Variants in PRICKLE1 observed in about 807,000 individuals in gnomAD.
PRICKLE1 encodes the protein prickle-like protein 1.
PRICKLE1 carries 14 observed loss-of-function variants against 70.2 expected under a neutral mutation model. The ratio of observed to expected loss-of-function variants is 0.20; its 90% confidence interval spans 0.13 to 0.31. The LOEUF (loss-of-function observed/expected upper bound fraction) is 0.31. Among genes scored for constraint, PRICKLE1 ranks in the 10% least tolerant of loss-of-function variants. The pLI is 1.00. For synonymous variants in PRICKLE1, 357 were observed against 379.9 expected, an observed-to-expected ratio of 0.94 and a Z score of 0.70; for missense variants, 821 against 1,026.2, an observed-to-expected ratio of 0.80 and a Z score of 2.73.
Position 42,579,594 on chromosome 12 carries a change from C to G in PRICKLE1, c.-49+9871G>C, listed in dbSNP as rs765190521. On this transcript the variant is annotated intron_variant, in intron 1 of 7. Coordinates refer to ENST00000345127, the MANE Select transcript of PRICKLE1 (RefSeq NM_153026.3). ...AGGTAGATAATTCAGGTAGAATTTTCCATTCTGAGACCCTGATGATTTGAT... is the reference window on the plus strand; with the variant it reads ...AGGTAGATAATTCAGGTAGAATTTTGCATTCTGAGACCCTGATGATTTGAT... Among the ~76,000 whole-genome samples, 32 of 152,128 alleles carry G rather than the reference C, an allele frequency of 2.1e-4. 1 individual carries two copies. Among genetic ancestry groups the G allele is most frequent in the Non-Finnish European group, 3.7e-4 (25 of 68,020 alleles).
chr12:42,515,263 G>A (rs1309400596), intron 1 of PRICKLE1, among the ~76,000 whole-genome samples: 1 of 147,634 alleles, frequency 6.8e-6, no homozygotes, highest in African/African-American at 2.5e-5. Flanking sequence ...TTTTGAGATG[G>A]AATTTCGCTC....
chr12:42,587,941 T>C (rs1941009504), intron 1 of PRICKLE1, among the ~76,000 whole-genome samples: 1 of 152,210 alleles, frequency 6.6e-6, no homozygotes, highest in Non-Finnish European at 1.5e-5. Context: ...CATGGGATTT[T>C]TTTTTGTTTT....
At chr12:42,500,664 C>CTT (rs11448078) in intron 1 of PRICKLE1, among the ~76,000 whole-genome samples, 3 of 142,842 alleles carry the variant, frequency 2.1e-5, no homozygotes, top group South Asian at 2.2e-4. Flanking sequence ...CATTAATTTT[C>CTT]TTTTTTTTTT....
chr12:42,474,196 C>T (rs564622046), intron 1 of PRICKLE1, among the ~76,000 whole-genome samples: 3 of 152,052 alleles, frequency 2.0e-5, no homozygotes, highest in East Asian at 1.9e-4. Flanking sequence ...CGCTTGAAAC[C>T]GGGAGGCGGA....
intron 1 of PRICKLE1, among the ~76,000 whole-genome samples, chr12:42,543,264 T>C (rs974074584): frequency 2.2e-4 from 33 of 152,316 alleles, no homozygotes; most frequent in African/African-American, 7.7e-4. Flanking sequence ...TAAATGTTCT[T>C]GAAAAGAAGA....
At chr12:42,466,054 G>C (rs568613214) in intron 6 of PRICKLE1, 140 bp downstream of exon 6, 6 of 905,254 alleles carry the variant, frequency 6.6e-6, no homozygotes, top group Non-Finnish European at 1.1e-5. Context: ...TCATCAGCTG[G>C]AACATTTAAG....
At chr12:42,546,659 TG>T (rs1940219140) in intron 1 of PRICKLE1, among the ~76,000 whole-genome samples, 1 of 152,072 alleles carries the variant, frequency 6.6e-6, no homozygotes, top group Non-Finnish European at 1.5e-5. Context: ...GAGAATGAGG[TG>T]GGAGGATTGC....
At chr12:42,488,768 G>A (rs1201516909) in intron 1 of PRICKLE1, among the ~76,000 whole-genome samples, 1 of 152,076 alleles carries the variant, frequency 6.6e-6, no homozygotes, top group African/African-American at 2.4e-5. Flanking sequence ...CATATACATT[G>A]CAAAATTATT....
In PRICKLE1 at chr12:42,459,431, A is replaced by G. The variant is rs1279582201; in HGVS notation, c.*378T>C. 1.4e-6 allele frequency: 1 copy of G among 694,894 alleles called. No homozygotes were observed. The highest frequency in any genetic ancestry group is 2.6e-6 in the Non-Finnish European group (1 of 382,050). 43.0% of individuals were successfully genotyped at this position (694,894 alleles called of 1,614,324 possible). The stretch of plus-strand genomic sequence containing the variant: ...CAAGACCTGAGCCGACCTGACTTAC[A>G]TAAATGACAAACACTAGTGCTTTAC... On this transcript the variant is annotated 3_prime_UTR_variant, in exon 8 of 8. Coordinates refer to ENST00000345127, the MANE Select transcript of PRICKLE1 (RefSeq NM_153026.3).
intron 1 of PRICKLE1, among the ~76,000 whole-genome samples, chr12:42,487,116 C>G (rs979029664): frequency 6.6e-6 from 1 of 152,170 alleles, no homozygotes; most frequent in African/African-American, 2.4e-5. Context: ...AACTAATATC[C>G]AAAGGAATCA....
intron 1 of PRICKLE1, chr12:42,484,335 C>T (rs1938930197): frequency 6.6e-6 from 1 of 152,194 alleles, no homozygotes; most frequent in South Asian, 2.1e-4. Flanking sequence ...TGCAAATACC[C>T]TAGGACGCTT....
In PRICKLE1 at chr12:42,469,435, G is replaced by GA; in HGVS notation, c.384+14dup. The GA allele has an allele frequency of 1.2e-6, 2 of 1,613,814 alleles. No homozygotes were observed. Among genetic ancestry groups the GA allele is most frequent in the Non-Finnish European group, 1.7e-6 (2 of 1,180,020 alleles). On this transcript the variant is annotated intron_variant, in intron 4 of 7. Coordinates refer to ENST00000345127, the MANE Select transcript of PRICKLE1 (RefSeq NM_153026.3). ...TCACTGCCACAAGCTACGCATCAGA[G>GA]AAGGGGCTGCTCACCTGCTCACACA...
chr12:42,469,751 C>T, intron 3 of PRICKLE1, 164 bp from the exon 4 acceptor site: 2 of 816,088 alleles, frequency 2.5e-6, no homozygotes, highest in South Asian at 3.2e-5. Flanking sequence ...TTTACAGCCT[C>T]TCTAGAAAAA....
chr12:42,459,527 C>A lies in PRICKLE1; in HGVS notation c.*282G>T. 1.6e-6 allele frequency: 1 copy of A among 620,854 alleles called. No homozygotes were observed. The highest frequency in any genetic ancestry group is 2.9e-6 in the Non-Finnish European group (1 of 350,024). 38.5% of individuals were successfully genotyped at this position (620,854 alleles called of 1,614,324 possible). On this transcript the variant is annotated 3_prime_UTR_variant, in exon 8 of 8. Transcript: ENST00000345127. ...CCTTCAGTCAGCATCTTCAGTATTC[C>A]CTTGAGGACTGGAAAACCAAAGCAG...
chr12:42,528,845 C>T (rs1023757075), intron 1 of PRICKLE1, among the ~76,000 whole-genome samples: 2 of 152,112 alleles, frequency 1.3e-5, no homozygotes, highest in East Asian at 1.9e-4. Context: ...TGTAAATGAA[C>T]TGTACCATTT....
intron 1 of PRICKLE1, among the ~76,000 whole-genome samples, chr12:42,550,895 T>C (rs1168204935): frequency 6.6e-6 from 1 of 152,232 alleles, no homozygotes; most frequent in Non-Finnish European, 1.5e-5. Flanking sequence ...CCTGAAGTAC[T>C]AGGGCTGAAC....
chr12:42,520,821 A>T (rs73277814), intron 1 of PRICKLE1, among the ~76,000 whole-genome samples: 5,543 of 152,294 alleles, frequency 0.036, 222 homozygotes, highest in East Asian at 0.12. Context: ...TTAATCAGAT[A>T]TGTCATGATG....
At chr12:42,503,899 A>G (rs1939358501) in intron 1 of PRICKLE1, among the ~76,000 whole-genome samples, 1 of 152,212 alleles carries the variant, frequency 6.6e-6, no homozygotes, top group Admixed American at 6.5e-5. Context: ...ATAATTCAAA[A>G]AGCGGGTTCT....
At chr12:42,483,100 AGT>A (rs1045326338) in intron 1 of PRICKLE1, 11 of 152,418 alleles carry the variant, frequency 7.2e-5, no homozygotes, top group Admixed American at 5.9e-4. Context: ...CCGAGAGAAC[AGT>A]GCCCCTTGTC....
Sources: allele counts gnomAD v4.1 joint callset (sites outside exome capture counted in the v4.1 genomes callset), GRCh38; gene constraint gnomAD v4.1.1; transcripts MANE v1.5; gene names NCBI Gene and HGNC (gene_info 2026-07-23, HGNC 2026-07-21).